The following SLC7A2 variants were observed in gnomAD, a reference collection of about 807,000 sequenced individuals.
The protein encoded by SLC7A2 is solute carrier family 7 member 2, also known as cationic amino acid transporter 2.
SLC7A2 carries 48 observed loss-of-function variants against 58.9 expected under a neutral mutation model. The observed-to-expected ratio is 0.82, with a 90% CI of 0.65 to 1.04. The LOEUF (loss-of-function observed/expected upper bound fraction) is 1.04, where lower values mean the gene tolerates loss of function less well. Ranked by LOEUF, SLC7A2 falls within the 50% of genes least tolerant of loss-of-function variation. The pLI, the probability that SLC7A2 is intolerant of heterozygous loss-of-function variation, is 0.00. For synonymous variants in SLC7A2, 363 were observed against 314.5 expected (o/e 1.15, Z -1.63); for missense variants, 1,029 against 818.8 (o/e 1.26, Z -3.13).
rs566755864 is a variant in SLC7A2 at position 17,525,734 on chromosome 8, T to G, written c.-22-17584T>G. On this transcript the variant is annotated intron_variant, in intron 2 of 12. Transcript: ENST00000494857. ...AACTGGATGGTGCTAGAGAGGTAGA[T>G]GATGAAATACTGTTCTGTTGCTTGC... is the stretch of plus-strand genomic sequence containing the variant. Among the ~76,000 whole-genome samples, 189 of 152,332 alleles carry G rather than the reference T, an allele frequency of 1.2e-3. 1 individual carries two copies. The highest frequency in any genetic ancestry group is 4.0e-3 in the African/African-American group (168 of 41,566).
intron 2 of SLC7A2, among the ~76,000 whole-genome samples, chr8:17,539,570 T>C (rs1416798326): frequency 6.6e-6 from 1 of 152,238 alleles, no homozygotes; most frequent in Non-Finnish European, 1.5e-5. Flanking sequence ...CCAGAATCAC[T>C]TGTGACCTCA....
At chr8:17,564,925 ATT>A (rs368013577) in intron 12 of SLC7A2, 23 bp from the exon 13 acceptor site, 41 of 1,193,196 alleles carry the variant, frequency 3.4e-5, no homozygotes, top group South Asian at 8.2e-5. Flanking sequence ...TGAAACATTG[ATT>A]TTTTTTTTTC....
chr8:17,551,901 C>A lies in SLC7A2; in HGVS notation c.970C>A (p.Pro324Thr). 1 of 1,613,926 alleles carries A rather than the reference C, an allele frequency of 6.2e-7. No individual in the cohort carries two copies. The highest frequency in any genetic ancestry group is 8.5e-7 in the Non-Finnish European group (1 of 1,179,992). The change falls in exon 7 of 13, where the codon CCC becomes ACC. Residue 324 changes from proline (P) to threonine (T), a missense_variant. Coordinates refer to ENST00000494857, the MANE Select transcript of SLC7A2 (RefSeq NM_001370338.1). The stretch of plus-strand genomic sequence containing the variant: ...GTACTACCTCCTCGATGAAAAAAGC[C>A]CCCTTCCTGTAGCGTTTGAATATGT... ...MPYYLLDEKS[P>T]LPVAFEYVGW...
intron 12 of SLC7A2, among the ~76,000 whole-genome samples, chr8:17,564,318 A>G (rs1037968744): frequency 1.4e-4 from 22 of 152,352 alleles, no homozygotes; most frequent in African/African-American, 4.3e-4. Flanking sequence ...AAGAACATCA[A>G]TTAAAATTTT....
At chr8:17,501,257 G>A (rs987118081) in intron 1 of SLC7A2, among the ~76,000 whole-genome samples, 6 of 152,022 alleles carry the variant, frequency 3.9e-5, no homozygotes, top group Non-Finnish European at 8.8e-5. Context: ...CAAGTGATCC[G>A]CCTGCCTCGG....
intron 2 of SLC7A2, among the ~76,000 whole-genome samples, chr8:17,516,416 G>C (rs1162924050): frequency 6.6e-6 from 1 of 152,116 alleles, no homozygotes; most frequent in South Asian, 2.1e-4. Context: ...CAGAGACAGG[G>C]TTTTGCCATG....
chr8:17,513,466 G>T (rs757424237), intron 2 of SLC7A2, among the ~76,000 whole-genome samples: 10 of 152,082 alleles, frequency 6.6e-5, no homozygotes, highest in Non-Finnish European at 1.5e-4. Context: ...TTTAAAACCT[G>T]CCTGGTTTGT....
chr8:17,532,360 G>C (rs2588226), intron 2 of SLC7A2, among the ~76,000 whole-genome samples: 10,338 of 151,002 alleles, frequency 0.068, 487 homozygotes, highest in East Asian at 0.27. Flanking sequence ...ATCCCAGTGT[G>C]AGCATGGAGT....
At chr8:17,528,698 C>A (rs1801318897) in intron 2 of SLC7A2, among the ~76,000 whole-genome samples, 4 of 152,146 alleles carry the variant, frequency 2.6e-5, no homozygotes, top group Non-Finnish European at 5.9e-5. Context: ...GCCACTGCCC[C>A]CGGCCTGGTC....
chr8:17,548,303 T>A (rs1460215528), intron 4 of SLC7A2, among the ~76,000 whole-genome samples: 1 of 152,220 alleles, frequency 6.6e-6, no homozygotes, highest in Non-Finnish European at 1.5e-5. Flanking sequence ...ATCATACCAC[T>A]GCACTTCTGC....
intron 2 of SLC7A2, among the ~76,000 whole-genome samples, chr8:17,523,818 A>G (rs1801112455): frequency 6.6e-6 from 1 of 152,230 alleles, no homozygotes; most frequent in South Asian, 2.1e-4. Context: ...CAGCAGAATT[A>G]ACAGACAACC....
chr8:17,530,362 C>G (rs761689628), intron 2 of SLC7A2, among the ~76,000 whole-genome samples: 1 of 152,076 alleles, frequency 6.6e-6, no homozygotes, highest in Non-Finnish European at 1.5e-5. Flanking sequence ...GCAGTTCAGT[C>G]AAAACCTTTT....
intron 2 of SLC7A2, among the ~76,000 whole-genome samples, chr8:17,538,475 C>T (rs189715772): frequency 1.1e-4 from 17 of 152,334 alleles, no homozygotes; most frequent in African/African-American, 3.8e-4. Flanking sequence ...CAAGGCTGAA[C>T]AGTTACCACA....
intron 2 of SLC7A2, chr8:17,510,750 G>A (rs1257488343): frequency 1.3e-5 from 2 of 152,012 alleles, no homozygotes; most frequent in Non-Finnish European, 1.5e-5. Flanking sequence ...CCCATCATGG[G>A]GTATATACCC....
At chr8:17,539,328 C>T (rs1801810327) in intron 2 of SLC7A2, among the ~76,000 whole-genome samples, 2 of 152,106 alleles carry the variant, frequency 1.3e-5, no homozygotes, top group South Asian at 4.1e-4. Flanking sequence ...GTTTGGGGCA[C>T]AATGGGCGTG....
intron 2 of SLC7A2, among the ~76,000 whole-genome samples, chr8:17,542,544 A>C (rs902571652): frequency 2.0e-5 from 3 of 152,248 alleles, no homozygotes; most frequent in African/African-American, 7.2e-5. Flanking sequence ...CCAGCTACTC[A>C]GTAGACTAAG....
chr8:17,553,012 A>T (rs1382353117), intron 7 of SLC7A2, among the ~76,000 whole-genome samples: 1 of 152,176 alleles, frequency 6.6e-6, no homozygotes, highest in Non-Finnish European at 1.5e-5. Flanking sequence ...AATATTGAGT[A>T]GCAATTAGAC....
At position 17,565,137 on chromosome 8, in the gene SLC7A2, T is replaced by A; in HGVS notation, c.1968T>A (p.Ser656Arg). ...SSPFIFHEKT[S>R]EF Reference sequence around the variant, plus strand: ...CTTTCATATTCCATGAAAAGACAAGTGAATTCTAACACTTGCAGGAGCAGA... The same window carrying A: ...CTTTCATATTCCATGAAAAGACAAGAGAATTCTAACACTTGCAGGAGCAGA... The change falls in exon 13 of 13, where the codon AGT becomes AGA. Residue 656 changes from serine to arginine, a missense_variant. Ser to Arg is a moderately radical substitution (Grantham distance 110). Coordinates refer to ENST00000494857, the MANE Select transcript of SLC7A2 (RefSeq NM_001370338.1). 1 of 1,612,410 alleles carries A rather than the reference T, an allele frequency of 6.2e-7. No individual in the cohort carries two copies. The highest frequency in any genetic ancestry group is 8.5e-7 in the Non-Finnish European group (1 of 1,179,012).
Position 17,562,056 on chromosome 8 carries a change from C to T in SLC7A2, c.1617C>T (p.Ala539=), listed in dbSNP as rs756142966. ...LLALFLVLFV[A]IVLTIWRQPQ... ...CGCTGTTTCTTGTTCTCTTCGTTGC[C>T]ATCGTTCTCACCATCTGGAGGCAGC... is the stretch of plus-strand genomic sequence containing the variant. Residue 539 remains alanine (A), a synonymous_variant, in exon 11 of 13, where the codon GCC becomes GCT. Coordinates refer to ENST00000494857, the MANE Select transcript of SLC7A2 (RefSeq NM_001370338.1). The T allele has an allele frequency of 6.2e-7, 1 of 1,614,062 alleles. No individual in the cohort carries two copies. The highest frequency in any genetic ancestry group is 1.7e-5 in the Admixed American group (1 of 60,018).
Sources: gnomAD v4.1 joint callset for allele counts (sites outside exome capture counted in the v4.1 genomes callset) on GRCh38, gnomAD v4.1.1 for gene constraint, MANE v1.5 for transcripts, NCBI Gene and HGNC (gene_info 2026-07-23, HGNC 2026-07-21) for gene names.